Variants in TRIM15 observed in about 807,000 individuals in gnomAD.
TRIM15 encodes E3 ubiquitin-protein ligase TRIM15.
Under a neutral mutation model 35.8 loss-of-function variants are expected in TRIM15, and 35 were observed. That is an observed-to-expected ratio of 0.98 (90% CI 0.75 to 1.30). The LOEUF (loss-of-function observed/expected upper bound fraction) is 1.30, where lower values mean the gene tolerates loss of function less well. Among genes scored for constraint, TRIM15 ranks in the 50% most tolerant of loss-of-function variants. The probability of loss-of-function intolerance (pLI) is 0.00; values close to 1 mark genes in which losing one functional copy is unlikely to be tolerated. For missense variants in TRIM15, 590 were observed against 593.5 expected, an observed-to-expected ratio of 0.99 and a Z score of 0.06; for synonymous variants, 252 against 249.8, an observed-to-expected ratio of 1.01 and a Z score of -0.08.
chr6:30,163,616 C>T lies in TRIM15; in HGVS notation c.-69C>T, dbSNP rs762089357. On this transcript the variant is annotated 5_prime_UTR_variant, in exon 1 of 7. Coordinates refer to ENST00000376694, the MANE Select transcript of TRIM15 (RefSeq NM_033229.3). ...CTCTGCGATTCATGTAAGTGTGACT[C>T]GATTTCAGGGAAAGGGAACTCGCGT... 1 of 1,519,654 alleles carries T rather than the reference C, an allele frequency of 6.6e-7. No homozygotes were observed. Among genetic ancestry groups the T allele is most frequent in the Non-Finnish European group, 8.8e-7 (1 of 1,133,070 alleles). The allele number at this position is 1,519,654 out of a possible 1,614,324, so 94.1% of individuals were successfully genotyped here. A position where few individuals can be genotyped will look rare whatever the true frequency, so the allele number is the denominator to read the frequency against.
At chr6:30,165,262 A>G (rs895142294) in intron 1 of TRIM15, among the ~76,000 whole-genome samples, 11 of 152,118 alleles carry the variant, frequency 7.2e-5, no homozygotes, top group African/African-American at 2.7e-4. Flanking sequence ...TAGTCCCCCA[A>G]GCCCTGACAG....
intron 1 of TRIM15, among the ~76,000 whole-genome samples, chr6:30,164,838 G>A (rs898017978): frequency 2.6e-5 from 4 of 152,090 alleles, no homozygotes; most frequent in Admixed American, 6.5e-5. Context: ...AGTGCCCAAA[G>A]AAAGTCCAAG....
chr6:30,163,966 C>G lies in TRIM15; in HGVS notation c.282C>G (p.Cys94Trp), dbSNP rs143039782. Residue 94 changes from cysteine (C) to tryptophan (W), a missense_variant, in exon 1 of 7, where the codon TGC (cysteine) becomes TGG (tryptophan). Transcript: ENST00000376694. ...ACGGCGAGAAGATCTACTTCTTCTG[C>G]GAGAACGATGCCGAGTTCCTCTGTG... ...EEHGEKIYFF[C>W]ENDAEFLCVF... The G allele has an allele frequency of 6.2e-7, 1 of 1,612,988 alleles. No individual in the cohort carries two copies. Among genetic ancestry groups the G allele is most frequent in the Non-Finnish European group, 8.5e-7 (1 of 1,180,040 alleles).
intron 4 of TRIM15, chr6:30,169,952 T>C (rs1773892780): frequency 1.1e-5 from 2 of 179,050 alleles, no homozygotes; most frequent in South Asian, 2.5e-4. Flanking sequence ...GAGGTTTAGA[T>C]CTAGAAGGGC....
intron 2 of TRIM15, 52 bp from the exon 3 acceptor site, chr6:30,168,248 G>C (rs1773749023): frequency 6.6e-7 from 1 of 1,504,170 alleles, no homozygotes; most frequent in South Asian, 1.2e-5. Context: ...GATCATCCTG[G>C]AAGCTATCTC....
Position 30,163,684 on chromosome 6 carries a change from G to A in TRIM15, c.-1G>A. On this transcript the variant is annotated 5_prime_UTR_variant, in exon 1 of 7. Coordinates refer to ENST00000376694, the MANE Select transcript of TRIM15 (RefSeq NM_033229.3). ...GTGGACGGGCTGGGGAAGGCACCGTGATGCCCGCAACCCCGTCCCTGAAGG... is the reference window on the plus strand; with the variant it reads ...GTGGACGGGCTGGGGAAGGCACCGTAATGCCCGCAACCCCGTCCCTGAAGG... 6.2e-7 allele frequency: 1 copy of A among 1,600,198 alleles called. No individual in the cohort carries two copies. The highest frequency in any genetic ancestry group is 8.5e-7 in the Non-Finnish European group (1 of 1,172,108).
chr6:30,171,034 C>A, intron 6 of TRIM15, 26 bp downstream of exon 6: 1 of 1,606,438 alleles, frequency 6.2e-7, no homozygotes, highest in Non-Finnish European at 8.5e-7. Flanking sequence ...TTTGGGGAGT[C>A]ATTCTTCCAT....
intron 1 of TRIM15, among the ~76,000 whole-genome samples, chr6:30,166,390 G>A (rs1392795802): frequency 6.6e-6 from 1 of 152,064 alleles, no homozygotes; most frequent in Non-Finnish European, 1.5e-5. Context: ...TTTTTGTCAG[G>A]TTTGTCAAAG....
intron 5 of TRIM15, 86 bp from the exon 6 acceptor site, chr6:30,170,890 C>A: frequency 6.8e-7 from 1 of 1,470,168 alleles, no homozygotes; most frequent in Non-Finnish European, 9.3e-7. Context: ...CTCATCTTCA[C>A]ATTGTACTCA....
At chr6:30,166,425 G>T (rs1033252674) in intron 1 of TRIM15, among the ~76,000 whole-genome samples, 7 of 152,118 alleles carry the variant, frequency 4.6e-5, no homozygotes, top group African/African-American at 1.7e-4. Context: ...GATGTGTGGT[G>T]TTATTTCTGA....
chr6:30,165,953 T>G (rs1283133249), intron 1 of TRIM15, among the ~76,000 whole-genome samples: 1 of 152,228 alleles, frequency 6.6e-6, no homozygotes, highest in African/African-American at 2.4e-5. Flanking sequence ...TGGGGCTGTT[T>G]GTTTTTTTCT....
chr6:30,171,961 CG>C lies in TRIM15; in HGVS notation c.1012del (p.Val338PhefsTer35). 4 of 1,592,844 alleles carry C rather than the reference CG, an allele frequency of 2.5e-6. No homozygotes were observed. The highest frequency in any genetic ancestry group is 3.4e-6 in the Non-Finnish European group (4 of 1,169,610). On this transcript the variant is annotated frameshift_variant, in exon 7 of 7. Coordinates refer to ENST00000376694, the MANE Select transcript of TRIM15 (RefSeq NM_033229.3). LOFTEE classifies it low-confidence loss of function (END_TRUNC). The stretch of plus-strand genomic sequence containing the variant: ...CCCCTGCGCTTCGACGGCCTCCCGG[CG>C]GTTCTGGGCTTCCCGGGCTTCTCCT... ...DSPLRFDGLP[A>X]VLGFPGFSSG...
At chr6:30,164,207 G>A (rs573251267) in intron 1 of TRIM15, 142 bp downstream of exon 1, 1 of 1,248,078 alleles carries the variant, frequency 8.0e-7, no homozygotes, top group African/African-American at 1.5e-5. Flanking sequence ...GGCATTCCCA[G>A]ACTGAAGGCA....
chr6:30,171,766 G>A, intron 6 of TRIM15, 66 bp from the exon 7 acceptor site: 2 of 1,445,042 alleles, frequency 1.4e-6, no homozygotes, highest in South Asian at 1.5e-5. Flanking sequence ...TCCCACGTGC[G>A]TTGCCTGCTC....
At chr6:30,168,726 G>T (rs1156520474) in intron 3 of TRIM15, 196 bp downstream of exon 3, 2 of 626,208 alleles carry the variant, frequency 3.2e-6, no homozygotes, top group Non-Finnish European at 5.6e-6. Context: ...AGACAGTCTT[G>T]GATTTGAATG....
chr6:30,165,736 T>C (rs150976804), intron 1 of TRIM15, among the ~76,000 whole-genome samples: 4,254 of 152,288 alleles, frequency 0.028, 105 homozygotes, highest in Middle Eastern at 0.054. Context: ...AAAAGCATTC[T>C]TATTTCTCCA....
At position 30,172,525 on chromosome 6, in the gene TRIM15, T is replaced by G. The variant is rs1417503198; in HGVS notation, c.*176T>G. The G allele has an allele frequency of 9.6e-6, 9 of 940,526 alleles. No homozygotes were observed. Among genetic ancestry groups the G allele is most frequent in the Non-Finnish European group, 1.3e-5 (8 of 623,570 alleles). The allele number at this position is 940,526 out of a possible 1,614,324, so 58.3% of individuals were successfully genotyped here. On this transcript the variant is annotated 3_prime_UTR_variant, in exon 7 of 7. Transcript: ENST00000376694. ...TATTTATCTTAGGCCCTCAGCTCCCTGACGTCCTGAGCCTCCCTGTGACGC... is the reference window on the plus strand; with the variant it reads ...TATTTATCTTAGGCCCTCAGCTCCCGGACGTCCTGAGCCTCCCTGTGACGC...
In TRIM15 at chr6:30,172,175, G is replaced by A. The variant is rs1774080339; in HGVS notation, c.1224G>A (p.Leu408=). 9 of 1,604,470 alleles carry A rather than the reference G, an allele frequency of 5.6e-6. No homozygotes were observed. Among genetic ancestry groups the A allele is most frequent in the Non-Finnish European group, 7.7e-6 (9 of 1,176,092 alleles). ...ASTSPGTDLP[L]SEIPRGVRVA... ...CCTCCCCGGGCACCGACCTGCCGCT[G>A]AGCGAGATCCCGCGCGGCGTGAGAG... Residue 408 remains leucine (L), a synonymous_variant, in exon 7 of 7, where the codon CTG becomes CTA. Coordinates refer to ENST00000376694, the MANE Select transcript of TRIM15 (RefSeq NM_033229.3).
Position 30,168,302 on chromosome 6 carries a change from T to C in TRIM15, c.480T>C (p.Thr160=), listed in dbSNP as rs754036117. 6.2e-7 allele frequency: 1 copy of C among 1,612,354 alleles called. No individual in the cohort carries two copies. Among genetic ancestry groups the C allele is most frequent in the Admixed American group, 1.7e-5 (1 of 59,978 alleles). Reference sequence around the variant, plus strand: ...TGTCTGCCTTTTATCCCTTGAAGACTCAGATCGAAAGCAAGAAGCATCAGG... The same window carrying C: ...TGTCTGCCTTTTATCCCTTGAAGACCCAGATCGAAAGCAAGAAGCATCAGG... ...QEDQKLQVLL[T]QIESKKHQVE... The change falls in exon 3 of 7, where the codon ACT becomes ACC. Residue 160 remains threonine, a splice_region_variant and synonymous_variant. Transcript: ENST00000376694.
Sources: allele counts gnomAD v4.1 joint callset (sites outside exome capture counted in the v4.1 genomes callset), GRCh38; gene constraint gnomAD v4.1.1; transcripts MANE v1.5; gene names NCBI Gene and HGNC (gene_info 2026-07-23, HGNC 2026-07-21).